DLEC1: variants seen among roughly 807,000 people sequenced by gnomAD.
DLEC1 encodes the protein deleted in lung and esophageal cancer protein 1.
DLEC1 carries 146 observed loss-of-function variants against 198.1 expected under a neutral mutation model. The observed-to-expected ratio is 0.74, with a 90% CI of 0.64 to 0.85. The LOEUF (loss-of-function observed/expected upper bound fraction) is 0.85. Among genes scored for constraint, DLEC1 ranks in the 40% least tolerant of loss-of-function variants. The pLI, the probability that DLEC1 is intolerant of heterozygous loss-of-function variation, is 0.00. For synonymous variants in DLEC1, 897 were observed against 866.8 expected (o/e 1.03, Z -0.61); for missense variants, 2,233 against 2,220.0 (o/e 1.01, Z -0.12).
chr3:38,046,019 G>T (rs1700870600), intron 2 of DLEC1, among the ~76,000 whole-genome samples: 1 of 152,172 alleles, frequency 6.6e-6, no homozygotes, highest in Non-Finnish European at 1.5e-5. Context: ...GAAAATGATG[G>T]ACACTGCAAT....
At chr3:38,064,639 G>C (rs1308473673) in intron 6 of DLEC1, among the ~76,000 whole-genome samples, 1 of 149,724 alleles carries the variant, frequency 6.7e-6, no homozygotes, top group East Asian at 2.0e-4. Flanking sequence ...CCGGGCGGGG[G>C]CTGCCCCCCA....
Position 38,093,599 on chromosome 3 carries a change from T to G in DLEC1, c.1757-6T>G, listed in dbSNP as rs184051074. On this transcript the variant is annotated splice_polypyrimidine_tract_variant and splice_region_variant and intron_variant, in intron 11 of 36. Coordinates refer to ENST00000308059, the MANE Select transcript of DLEC1 (RefSeq NM_007335.4). The stretch of plus-strand genomic sequence containing the variant: ...TTCACTGACTTCACTTACTCTACTT[T>G]GGCAGGAATTGGGCAGCTGATTGCT... 1.1e-3 allele frequency: 1,839 copies of G among 1,614,142 alleles called. 2 individuals carry two copies. Among genetic ancestry groups the G allele is most frequent in the South Asian group, 6.3e-3 (575 of 91,078 alleles).
At chr3:38,082,928 C>T (rs138123010) in intron 6 of DLEC1, among the ~76,000 whole-genome samples, 2,943 of 152,268 alleles carry the variant, frequency 0.019, 41 homozygotes, top group Middle Eastern at 0.065. Flanking sequence ...CTTCCCAGTC[C>T]GTGACCGGCG....
At chr3:38,085,050 G>A (rs980125322) in intron 7 of DLEC1, among the ~76,000 whole-genome samples, 1 of 152,218 alleles carries the variant, frequency 6.6e-6, no homozygotes, top group Non-Finnish European at 1.5e-5. Flanking sequence ...GACCTTTCTG[G>A]ATGGATGGTG....
intron 27 of DLEC1, among the ~76,000 whole-genome samples, chr3:38,115,759 G>A (rs913429476): frequency 6.6e-6 from 1 of 152,124 alleles, no homozygotes; most frequent in Admixed American, 6.5e-5. Flanking sequence ...GAGATGAGGT[G>A]GGGCTACCGG....
intron 2 of DLEC1, among the ~76,000 whole-genome samples, chr3:38,045,907 C>T (rs1700866191): frequency 6.6e-6 from 1 of 152,210 alleles, no homozygotes; most frequent in Non-Finnish European, 1.5e-5. Flanking sequence ...CCTACATAAC[C>T]AGCATATAAC....
At chr3:38,086,476 A>C (rs1039640763) in intron 9 of DLEC1, 99 bp downstream of exon 9, 1 of 1,460,036 alleles carries the variant, frequency 6.8e-7, no homozygotes, top group Admixed American at 2.2e-5. Flanking sequence ...TTGGAAACAC[A>C]CAGAACGCAG....
At chr3:38,039,712 T>TGCCA in intron 1 of DLEC1, 76 bp downstream of exon 1, 1 of 1,499,484 alleles carries the variant, frequency 6.7e-7, no homozygotes, top group Non-Finnish European at 8.9e-7. Flanking sequence ...ACCTGCCAGG[T>TGCCA]GCCAGGCGCT....
intron 18 of DLEC1, among the ~76,000 whole-genome samples, chr3:38,099,608 A>G (rs1200491169): frequency 6.6e-6 from 1 of 152,154 alleles, no homozygotes; most frequent in Non-Finnish European, 1.5e-5. Context: ...CAAAGACAAA[A>G]TAAAGCAAAG....
At chr3:38,058,305 T>C (rs1164586727) in intron 2 of DLEC1, among the ~76,000 whole-genome samples, 1 of 152,346 alleles carries the variant, frequency 6.6e-6, no homozygotes, top group East Asian at 1.9e-4. Context: ...GTGCTCTCTC[T>C]GCCCAGTCCT....
chr3:38,086,374 C>G lies in DLEC1; in HGVS notation c.1569C>G (p.Phe523Leu), dbSNP rs773796359. Residue 523 changes from phenylalanine to leucine, a missense_variant, in exon 9 of 37, where the codon TTC becomes TTG. Phe to Leu is a conservative substitution (Grantham distance 22). Transcript: ENST00000308059. ...MPKTSWPPLS[F>L]KAIATVGFVE... is the part of the protein sequence containing the mutation. ...AAACAAGCTGGCCACCACTAAGTTT[C>G]AAGGTGAGTGATCACAGGTTGCTAA... 6.9e-6 allele frequency: 11 copies of G among 1,602,830 alleles called. No individual in the cohort carries two copies. In the South Asian group the frequency reaches 1.1e-4, roughly 16 times the overall value.
Position 38,122,373 on chromosome 3 carries a change from C to A in DLEC1, c.5229C>A (p.Gly1743=). The change falls in exon 37 of 37, where the codon GGC becomes GGA. Residue 1743 remains glycine, a synonymous_variant. Transcript: ENST00000308059. The stretch of plus-strand genomic sequence containing the variant: ...GCACCCTGCGGCTCCGGGGCCAAGG[C>A]TCCTATGATGAGAGATACATGTTGC... The part of the protein sequence containing the change: ...KSCTLRLRGQ[G]SYDERYMLPH... 1.2e-6 allele frequency: 2 copies of A among 1,614,212 alleles called. No individual in the cohort carries two copies. Among genetic ancestry groups the A allele is most frequent in the Non-Finnish European group, 1.7e-6 (2 of 1,180,032 alleles).
intron 2 of DLEC1, among the ~76,000 whole-genome samples, chr3:38,048,040 G>A (rs887650579): frequency 1.3e-5 from 2 of 152,200 alleles, no homozygotes; most frequent in Non-Finnish European, 2.9e-5. Context: ...CATTGTGCAC[G>A]CTTGGATTTC....
rs185468275 is a variant in DLEC1, at chr3:38,092,997, A to C, written c.1756+117A>C. On this transcript the variant is annotated intron_variant, in intron 11 of 36. Coordinates refer to ENST00000308059, the MANE Select transcript of DLEC1 (RefSeq NM_007335.4). ...TGTTTCCTGTGTGTGTCAGGAGCGC[A>C]CATTAAGAATGCTGCAGCCTCCAGG... The C allele has an allele frequency of 8.3e-4, 803 of 967,250 alleles. 2 individuals are homozygous for C. Among genetic ancestry groups the C allele is most frequent in the Non-Finnish European group, 9.9e-4 (611 of 617,402 alleles). 59.9% of individuals were successfully genotyped at this position (967,250 alleles called of 1,614,324 possible).
chr3:38,114,062 C>T (rs1036201967), intron 25 of DLEC1, among the ~76,000 whole-genome samples: 1 of 144,812 alleles, frequency 6.9e-6, no homozygotes, highest in Non-Finnish European at 1.5e-5. Flanking sequence ...TGCTTGAGGC[C>T]AGTAGTTTGA....
intron 2 of DLEC1, among the ~76,000 whole-genome samples, chr3:38,054,424 G>C (rs1312223516): frequency 6.6e-6 from 1 of 152,170 alleles, no homozygotes; most frequent in African/African-American, 2.4e-5. Context: ...CACAGATGTT[G>C]ACTGAAGACA....
In DLEC1 at chr3:38,120,618, C is replaced by G. The variant is rs1700400362; in HGVS notation, c.4866+9C>G. 2.5e-6 allele frequency: 4 copies of G among 1,612,800 alleles called. No homozygotes were observed. In the East Asian group the frequency reaches 8.9e-5, roughly 36 times the overall value. On this transcript the variant is annotated intron_variant, in intron 34 of 36. Coordinates refer to ENST00000308059, the MANE Select transcript of DLEC1 (RefSeq NM_007335.4). ...CCAACCAGACCACTCAGGCACGCCC[C>G]AGGCCCACCTACATGTGGAGGAGGG... is the stretch of plus-strand genomic sequence containing the variant.
At chr3:38,086,469 GAAACACACAGAAC>G in intron 9 of DLEC1, 92 bp downstream of exon 9, 2 of 1,479,962 alleles carry the variant, frequency 1.4e-6, no homozygotes, top group Non-Finnish European at 1.8e-6. Flanking sequence ...CCTATGATTG[GAAACACACAGAAC>G]GCAGAGTGTT....
intron 10 of DLEC1, among the ~76,000 whole-genome samples, chr3:38,092,521 G>A (rs1698794300): frequency 6.6e-6 from 1 of 152,134 alleles, no homozygotes; most frequent in Non-Finnish European, 1.5e-5. Flanking sequence ...TTATGAATGA[G>A]GGTATGTGTT....
Sources: allele counts gnomAD v4.1 joint callset (sites outside exome capture counted in the v4.1 genomes callset), GRCh38; gene constraint gnomAD v4.1.1; transcripts MANE v1.5; gene names NCBI Gene and HGNC (gene_info 2026-07-23, HGNC 2026-07-21).